RTRAF: variants seen among roughly 807,000 people sequenced by gnomAD.
The protein encoded by RTRAF is RNA transcription, translation and transport factor.
RTRAF carries 14 observed loss-of-function variants against 34.4 expected under a neutral mutation model. The observed-to-expected ratio is 0.41, with a 90% CI of 0.27 to 0.64. The LOEUF is 0.64. RTRAF is among the 30% of genes least tolerant of loss of function. RTRAF has a pLI of 0.34. For synonymous variants in RTRAF, 96 were observed against 95.3 expected (o/e 1.01, Z -0.04); for missense variants, 291 against 288.4 (o/e 1.01, Z -0.06).
chr14:52,001,974 C>T (rs1287439634), intron 6 of RTRAF, 108 bp downstream of exon 6: 4 of 954,388 alleles, frequency 4.2e-6, no homozygotes, highest in Admixed American at 2.9e-5. Context: ...CTACGTTCTA[C>T]AACTTAGAGA....
At chr14:51,995,902 G>C (rs1890514404) in intron 3 of RTRAF, among the ~76,000 whole-genome samples, 1 of 152,020 alleles carries the variant, frequency 6.6e-6, no homozygotes. Flanking sequence ...CTTTAACAAG[G>C]TCTTTTTATC....
chr14:52,002,140 G>A (rs1013463096), intron 6 of RTRAF, among the ~76,000 whole-genome samples: 2 of 152,164 alleles, frequency 1.3e-5, no homozygotes, highest in African/African-American at 4.8e-5. Context: ...CTTGTGGCCC[G>A]TTGAAGTTTA....
chr14:51,993,762 C>T lies in RTRAF; in HGVS notation c.226C>T (p.Arg76Ter). ...DVNCPFKIQD[R>*]QEAIDWLLGL... ...TAACTGTCCTTTCAAGATTCAAGATCGACAAGAAGCTATTGACTGGCTTCT... is the reference window on the plus strand; with the variant it reads ...TAACTGTCCTTTCAAGATTCAAGATTGACAAGAAGCTATTGACTGGCTTCT... Residue 76 changes from arginine to a stop codon, truncating the protein, a stop_gained, in exon 3 of 8, where the codon CGA becomes TGA. Transcript: ENST00000261700. LOFTEE classifies it high-confidence loss of function. The T allele has an allele frequency of 1.2e-6, 2 of 1,603,190 alleles. No homozygotes were observed. The highest frequency in any genetic ancestry group is 1.7e-6 in the Non-Finnish European group (2 of 1,176,164).
rs934321281 is a variant in RTRAF, at chr14:52,006,452, C to A, written c.*1936C>A. The A allele has an allele frequency of 2.6e-6, 4 of 1,525,728 alleles. No individual in the cohort carries two copies. Among genetic ancestry groups the A allele is most frequent in the East Asian group, 2.3e-5 (1 of 43,948 alleles). 94.5% of individuals were successfully genotyped at this position (1,525,728 alleles called of 1,614,324 possible). A position where few individuals can be genotyped will look rare whatever the true frequency, so the allele number is the denominator to read the frequency against. The stretch of plus-strand genomic sequence containing the variant: ...CCTCAGAGGGCTTAATGAGTCAAGT[C>A]AGGTACTGACTTTTGGTAAAACAAG... On this transcript the variant is annotated 3_prime_UTR_variant, in exon 8 of 8. Transcript: ENST00000261700.
intron 6 of RTRAF, among the ~76,000 whole-genome samples, chr14:52,002,139 C>T (rs184971107): frequency 2.0e-5 from 3 of 152,162 alleles, no homozygotes; most frequent in Non-Finnish European, 2.9e-5. Context: ...GCTTGTGGCC[C>T]GTTGAAGTTT....
Position 52,005,698 on chromosome 14 carries a change from C to G in RTRAF, c.*1182C>G. On this transcript the variant is annotated 3_prime_UTR_variant, in exon 8 of 8. Transcript: ENST00000261700. The stretch of plus-strand genomic sequence containing the variant: ...ATACCATATATATCCCTTCTCTACC[C>G]TGCTAATTTAAAGGAGCATCCTAAA... 1.3e-6 allele frequency: 2 copies of G among 1,519,418 alleles called. No homozygotes were observed. Among genetic ancestry groups the G allele is most frequent in the Non-Finnish European group, 9.1e-7 (1 of 1,093,930 alleles). The allele number at this position is 1,519,418 out of a possible 1,614,324, so 94.1% of individuals were successfully genotyped here.
At chr14:51,998,371 G>T in intron 3 of RTRAF, 123 bp from the exon 4 acceptor site, 1 of 547,286 alleles carries the variant, frequency 1.8e-6, no homozygotes, top group African/African-American at 2.0e-5. Context: ...GGAAATTATT[G>T]GCATTTCCAG....
intron 6 of RTRAF, among the ~76,000 whole-genome samples, chr14:52,002,535 T>G (rs1161141647): frequency 6.6e-6 from 1 of 152,212 alleles, no homozygotes; most frequent in Non-Finnish European, 1.5e-5. Flanking sequence ...CAGTCCTACC[T>G]TGTAGGCTGA....
intron 3 of RTRAF, among the ~76,000 whole-genome samples, chr14:51,995,414 A>G (rs1293172551): frequency 6.6e-6 from 1 of 151,956 alleles, no homozygotes; most frequent in East Asian, 1.9e-4. Flanking sequence ...TTCTGCTTCC[A>G]TTGTCATAAC....
chr14:51,998,732 A>G, intron 4 of RTRAF, 152 bp downstream of exon 4: 2 of 442,154 alleles, frequency 4.5e-6, no homozygotes, highest in Non-Finnish European at 8.1e-6. Flanking sequence ...ATTCTCTATA[A>G]TGTTTTTATG....
chr14:51,990,516 C>T (rs1458462170), intron 1 of RTRAF, among the ~76,000 whole-genome samples: 2 of 152,290 alleles, frequency 1.3e-5, no homozygotes, highest in East Asian at 1.9e-4. Flanking sequence ...GAATTTGACT[C>T]ACAAATTGAA....
At position 52,009,283 on chromosome 14, in the gene RTRAF, C is replaced by T. The variant is rs1890917079; in HGVS notation, c.*4767C>T. 1 of 152,150 alleles carries T rather than the reference C, an allele frequency of 6.6e-6. No individual in the cohort carries two copies. Among genetic ancestry groups the T allele is most frequent in the Non-Finnish European group, 1.5e-5 (1 of 68,034 alleles). The allele number at this position is 152,150 out of a possible 1,614,324, so 9.4% of individuals were successfully genotyped here. On this transcript the variant is annotated 3_prime_UTR_variant, in exon 8 of 8. Transcript: ENST00000261700. The stretch of plus-strand genomic sequence containing the variant: ...CATCGCTTCTGATCAGTCTCCTCCC[C>T]AAAATGATTTAATATCATCAACAAC...
intron 6 of RTRAF, among the ~76,000 whole-genome samples, chr14:52,003,180 C>T (rs1010582885): frequency 6.6e-6 from 1 of 152,134 alleles, no homozygotes; most frequent in Non-Finnish European, 1.5e-5. Context: ...GGAGTTCTTA[C>T]AGTCTAGTGT....
At position 52,008,199 on chromosome 14, in the gene RTRAF, GCT is replaced by G; in HGVS notation, c.*3690_*3691del. 2.5e-6 allele frequency: 1 copy of G among 394,770 alleles called. No individual in the cohort carries two copies. Among genetic ancestry groups the G allele is most frequent in the South Asian group, 4.5e-5 (1 of 22,228 alleles). 24.5% of individuals were successfully genotyped at this position (394,770 alleles called of 1,614,324 possible). A position where few individuals can be genotyped will look rare whatever the true frequency, so the allele number is the denominator to read the frequency against. ...CAAAAAACTGGTTTCTGCCTTAGGGGCTCTCTCTTGCTCCCTTTGAGGGAAGC... is the reference window on the plus strand; with the variant it reads ...CAAAAAACTGGTTTCTGCCTTAGGGGCTCTCTTGCTCCCTTTGAGGGAAGC... On this transcript the variant is annotated 3_prime_UTR_variant, in exon 8 of 8. Transcript: ENST00000261700.
At chr14:51,992,180 C>T (rs1236675665) in intron 2 of RTRAF, among the ~76,000 whole-genome samples, 1 of 152,118 alleles carries the variant, frequency 6.6e-6, no homozygotes, top group East Asian at 1.9e-4. Flanking sequence ...TTTAGTAACA[C>T]TTTTGCATAA....
chr14:51,996,518 A>G (rs1890523816), intron 3 of RTRAF, among the ~76,000 whole-genome samples: 1 of 152,124 alleles, frequency 6.6e-6, no homozygotes, highest in South Asian at 2.1e-4. Flanking sequence ...TTTCAGATGT[A>G]TAGAAAAATT....
intron 3 of RTRAF, 94 bp downstream of exon 3, chr14:51,993,916 G>A (rs1890475852): frequency 1.5e-6 from 1 of 687,050 alleles, no homozygotes; most frequent in Non-Finnish European, 2.4e-6. Flanking sequence ...GTTTTGTCTA[G>A]TACTATTTTA....
intron 3 of RTRAF, among the ~76,000 whole-genome samples, chr14:51,995,613 A>T (rs1463822464): frequency 2.0e-5 from 3 of 152,174 alleles, no homozygotes; most frequent in African/African-American, 7.2e-5. Flanking sequence ...AGTACCTGAC[A>T]TAGTTTCTTG....
rs561937967 is a variant in RTRAF, at chr14:52,003,134, G to GTCA, written c.532-1057_532-1055dup. Among the ~76,000 whole-genome samples the GTCA allele has an allele frequency of 9.9e-4, 150 of 152,188 alleles. 2 individuals are homozygous for GTCA. The highest frequency in any genetic ancestry group is 7.4e-3 in the Admixed American group (113 of 15,280). On this transcript the variant is annotated intron_variant, in intron 6 of 7. Coordinates refer to ENST00000261700, the MANE Select transcript of RTRAF (RefSeq NM_016039.3). ...TAATGCTCCCAATTTTAATTTTGGT[G>GTCA]TCATCTCAAAAGATACCAGCCTATA...
Sources: allele counts gnomAD v4.1 joint callset (sites outside exome capture counted in the v4.1 genomes callset), GRCh38; gene constraint gnomAD v4.1.1; transcripts MANE v1.5; gene names NCBI Gene and HGNC (gene_info 2026-07-23, HGNC 2026-07-21).